Variants in FECH observed in about 807,000 individuals in gnomAD.
The protein encoded by FECH is ferrochelatase, mitochondrial.
A neutral mutation model predicts 56.9 loss-of-function variants in FECH; 40 were observed. The ratio of observed to expected loss-of-function variants is 0.70; its 90% CI spans 0.55 to 0.92. The LOEUF is 0.92. Among genes scored for constraint, FECH ranks in the 40% least tolerant of loss-of-function variants. FECH has a pLI of 0.00. For synonymous variants in FECH, 175 were observed against 198.6 expected, an observed-to-expected ratio of 0.88 and a Z score of 1.00; for missense variants, 431 against 529.1, an observed-to-expected ratio of 0.81 and a Z score of 1.82.
At chr18:57,564,368 T>C (rs1812482) in intron 5 of FECH, among the ~76,000 whole-genome samples, 71,462 of 152,032 alleles carry the variant, frequency 0.47, 17,824 homozygotes, top group Non-Finnish European at 0.57. Flanking sequence ...GTCAACCCAA[T>C]GTAACTTTTT....
At position 57,563,739 on chromosome 18, in the gene FECH, G is replaced by A. The variant is rs189134134; in HGVS notation, c.599-759C>T. 9.4e-4 allele frequency among the ~76,000 whole-genome samples: 142 copies of A among 151,788 alleles called. 1 individual carries two copies. The highest frequency in any genetic ancestry group is 1.5e-5 in the Non-Finnish European group (1 of 67,950). ...ACAGTCATTGCTTTACTCTAATATGGTTCTTTTTTTCTTTATAGATGTTTT... is the reference window on the plus strand; with the variant it reads ...ACAGTCATTGCTTTACTCTAATATGATTCTTTTTTTCTTTATAGATGTTTT... On this transcript the variant is annotated intron_variant, in intron 5 of 10. Coordinates refer to ENST00000262093, the MANE Select transcript of FECH (RefSeq NM_000140.5).
At chr18:57,572,690 G>A (rs1599005511) in intron 3 of FECH, among the ~76,000 whole-genome samples, 1 of 151,400 alleles carries the variant, frequency 6.6e-6, no homozygotes. Flanking sequence ...ATGTAACAGC[G>A]CTTTCCTCCA....
At position 57,567,228 on chromosome 18, in the gene FECH, T is replaced by C. The variant is rs1297731001; in HGVS notation, c.464-647A>G. On this transcript the variant is annotated intron_variant, in intron 4 of 10. Coordinates refer to ENST00000262093, the MANE Select transcript of FECH (RefSeq NM_000140.5). ...AAAAAAATTCATTGATAACAAATGA[T>C]TAAAATGATTCTCCTCATTACACAT... Among the ~76,000 whole-genome samples the C allele has an allele frequency of 1.3e-5, 2 of 152,168 alleles. 1 individual carries two copies. Among genetic ancestry groups the C allele is most frequent in the East Asian group, 3.8e-4 (2 of 5,206 alleles).
Position 57,551,376 on chromosome 18 carries a change from T to C in FECH, c.1078-2A>G. The C allele has an allele frequency of 6.2e-7, 1 of 1,611,314 alleles. No homozygotes were observed. Among genetic ancestry groups the C allele is most frequent in the Non-Finnish European group, 8.5e-7 (1 of 1,177,704 alleles). On this transcript the variant is annotated splice_acceptor_variant, in intron 9 of 10. Transcript: ENST00000262093. LOFTEE classifies it high-confidence loss of function. ...TCTTCTGATGTTTTCAACTCCACAC[T>C]GAATCAAATGAGAAAAGGGAGGAAA...
chr18:57,573,162 T>C, intron 3 of FECH, 84 bp downstream of exon 3: 5 of 1,352,520 alleles, frequency 3.7e-6, no homozygotes, highest in Non-Finnish European at 5.3e-6. Context: ...ATTAAAACTA[T>C]TTACTGGTTT....
intron 4 of FECH, chr18:57,567,698 AC>A (rs2051036581): frequency 6.6e-6 from 1 of 152,264 alleles, no homozygotes; most frequent in Non-Finnish European, 1.5e-5. Context: ...GAAGGAAAAG[AC>A]GGGAGTTTAT....
intron 5 of FECH, 65 bp downstream of exon 5, chr18:57,566,382 T>C: frequency 6.2e-7 from 1 of 1,610,686 alleles, no homozygotes; most frequent in Non-Finnish European, 8.5e-7. Flanking sequence ...CTTCAGTACT[T>C]AGACTCCTTG....
Position 57,550,602 on chromosome 18 carries a change from T to C in FECH, c.*110A>G, listed in dbSNP as rs2050784133. 2 of 1,394,050 alleles carry C rather than the reference T, an allele frequency of 1.4e-6. No individual in the cohort carries two copies. The highest frequency in any genetic ancestry group is 2.3e-5 in the East Asian group (1 of 43,426). The allele number at this position is 1,394,050 out of a possible 1,614,324, so 86.4% of individuals were successfully genotyped here. ...AATTTGTACCCAAAGGCTGTATATATATCAAGGAAGGATGACTTCCTTCCT... is the reference window on the plus strand; with the variant it reads ...AATTTGTACCCAAAGGCTGTATATACATCAAGGAAGGATGACTTCCTTCCT... On this transcript the variant is annotated 3_prime_UTR_variant, in exon 11 of 11. Transcript: ENST00000262093.
chr18:57,556,803 C>T (rs1001860381), intron 7 of FECH, among the ~76,000 whole-genome samples: 1 of 149,388 alleles, frequency 6.7e-6, no homozygotes, highest in Non-Finnish European at 1.5e-5. Context: ...CCCAGTCACT[C>T]GGGAGGCTGA....
In FECH at chr18:57,558,679, G is replaced by T. The variant is rs895311365; in HGVS notation, c.804+466C>A. ...TCACACCTGAAATCCCAGTACTTTG[G>T]GAGGCCTGGGCGGGTGGATCACCTA... On this transcript the variant is annotated intron_variant, in intron 7 of 10. Coordinates refer to ENST00000262093, the MANE Select transcript of FECH (RefSeq NM_000140.5). Among the ~76,000 whole-genome samples the T allele has an allele frequency of 2.0e-5, 3 of 152,314 alleles. No homozygotes were observed. In the East Asian group the frequency reaches 5.8e-4, roughly 29 times the overall value.
Position 57,547,973 on chromosome 18 carries a change from A to G in FECH, c.*2739T>C, listed in dbSNP as rs111695226. Among the ~76,000 whole-genome samples the G allele has an allele frequency of 0.033, 5,074 of 151,956 alleles. 132 individuals carry two copies. Among genetic ancestry groups the G allele is most frequent in the East Asian group, 0.094 (478 of 5,110 alleles). On this transcript the variant is annotated 3_prime_UTR_variant, in exon 11 of 11. Transcript: ENST00000262093. Reference sequence around the variant, plus strand: ...GGCTTTTAATAATGAGTTCAGGGCCAGGTGCAGAGGCTCATCCTTGTAATC... The same window carrying G: ...GGCTTTTAATAATGAGTTCAGGGCCGGGTGCAGAGGCTCATCCTTGTAATC...
Position 57,550,318 on chromosome 18 carries a change from G to C in FECH, c.*394C>G, listed in dbSNP as rs781751487. Reference sequence around the variant, plus strand: ...TAAAAAACAGCAACTATATGCACGAGACTAAACAGATCTCATTCACACTGC... The same window carrying C: ...TAAAAAACAGCAACTATATGCACGACACTAAACAGATCTCATTCACACTGC... On this transcript the variant is annotated 3_prime_UTR_variant, in exon 11 of 11. Coordinates refer to ENST00000262093, the MANE Select transcript of FECH (RefSeq NM_000140.5). 2.2e-4 allele frequency: 45 copies of C among 206,896 alleles called. No homozygotes were observed. Among genetic ancestry groups the C allele is most frequent in the Non-Finnish European group, 3.8e-4 (38 of 100,100 alleles). The allele number at this position is 206,896 out of a possible 1,614,324, so 12.8% of individuals were successfully genotyped here.
chr18:57,559,389 C>T (rs1457556214), intron 6 of FECH, 146 bp from the exon 7 acceptor site: 7 of 637,620 alleles, frequency 1.1e-5, no homozygotes, highest in Non-Finnish European at 2.0e-5. Context: ...AAATTGCAAA[C>T]AGTCCAGCCT....
intron 6 of FECH, among the ~76,000 whole-genome samples, chr18:57,560,518 G>A (rs2050930684): frequency 6.6e-6 from 1 of 152,202 alleles, no homozygotes; most frequent in South Asian, 2.1e-4. Context: ...GGGTGTGATG[G>A]CACCTGCCTG....
chr18:57,554,161 A>G, intron 9 of FECH, 99 bp downstream of exon 9: 2 of 1,295,660 alleles, frequency 1.5e-6, no homozygotes, highest in South Asian at 2.4e-5. Flanking sequence ...GCAAACAAAT[A>G]CAGTAAACAA....
At chr18:57,558,070 A>AG (rs1244768411) in intron 7 of FECH, among the ~76,000 whole-genome samples, 2 of 152,228 alleles carry the variant, frequency 1.3e-5, no homozygotes, top group Non-Finnish European at 2.9e-5. Context: ...AGTAGCCACC[A>AG]GGGGGCGGTA....
chr18:57,561,777 C>A (rs1053733519), intron 6 of FECH, among the ~76,000 whole-genome samples: 1 of 152,208 alleles, frequency 6.6e-6, no homozygotes, highest in Admixed American at 6.5e-5. Context: ...CTGAAACCCC[C>A]CTCCTTTCCA....
At chr18:57,572,065 G>A (rs73959102) in intron 3 of FECH, among the ~76,000 whole-genome samples, 3,790 of 152,260 alleles carry the variant, frequency 0.025, 148 homozygotes, top group African/African-American at 0.087. Context: ...ATATGATGCA[G>A]TTCTAAATAG....
At chr18:57,572,801 C>T (rs912270903) in intron 3 of FECH, among the ~76,000 whole-genome samples, 1 of 151,452 alleles carries the variant, frequency 6.6e-6, no homozygotes, top group African/African-American at 2.4e-5. Context: ...ACTAATTTTT[C>T]ATAATAGAAA....
Sources: allele counts gnomAD v4.1 joint callset (sites outside exome capture counted in the v4.1 genomes callset), GRCh38; gene constraint gnomAD v4.1.1; transcripts MANE v1.5; gene names NCBI Gene and HGNC (gene_info 2026-07-23, HGNC 2026-07-21).